KCNAB2: variants seen among roughly 807,000 people sequenced by gnomAD.
KCNAB2 encodes voltage-gated potassium channel subunit beta-2.
In KCNAB2, 29 loss-of-function variants were observed where a neutral mutation model predicts 63.6. The ratio of observed to expected loss-of-function variants is 0.46; its 90% CI spans 0.34 to 0.62. The LOEUF (loss-of-function observed/expected upper bound fraction) is 0.62. Ranked by LOEUF, KCNAB2 falls within the 20% of genes least tolerant of loss-of-function variation. The pLI, the probability that KCNAB2 is intolerant of heterozygous loss-of-function variation, is 0.01. For missense variants in KCNAB2, 359 were observed against 563.9 expected (o/e 0.64, Z 3.68); for synonymous variants, 222 against 224.2 (o/e 0.99, Z 0.09).
At chr1:6,054,485 C>T (rs1412830786) in intron 2 of KCNAB2, among the ~76,000 whole-genome samples, 1 of 152,110 alleles carries the variant, frequency 6.6e-6, no homozygotes, top group Non-Finnish European at 1.5e-5. Flanking sequence ...CAAAAATTAA[C>T]CAGTCGTGGT....
chr1:6,077,562 C>G (rs538338833), intron 4 of KCNAB2, among the ~76,000 whole-genome samples: 1 of 152,208 alleles, frequency 6.6e-6, no homozygotes, highest in African/African-American at 2.4e-5. Context: ...TGCACGCCTT[C>G]GGGGGTCTGT....
chr1:6,046,383 T>TG (rs1247407482), intron 1 of KCNAB2, among the ~76,000 whole-genome samples, 200 bp downstream of exon 1: 1 of 152,046 alleles, frequency 6.6e-6, no homozygotes, highest in Non-Finnish European at 1.5e-5. Context: ...CCGTGATGGA[T>TG]GGGGTGGTGG....
chr1:5,998,915 G>A (rs1657082762), intron 1 of KCNAB2, among the ~76,000 whole-genome samples: 1 of 152,236 alleles, frequency 6.6e-6, no homozygotes, highest in Non-Finnish European at 1.5e-5. Flanking sequence ...GGTGACCTTT[G>A]GACTTTGCCG....
chr1:6,020,541 T>C (rs1048932892), intron 1 of KCNAB2, among the ~76,000 whole-genome samples: 3 of 152,162 alleles, frequency 2.0e-5, no homozygotes, highest in African/African-American at 7.2e-5. Context: ...CCCACCCTCC[T>C]GGACTCGGGT....
upstream of KCNAB2, among the ~76,000 whole-genome samples, chr1:6,030,495 A>G (rs1659511059): frequency 6.6e-6 from 1 of 150,784 alleles, no homozygotes; most frequent in South Asian, 2.1e-4. Context: ...GTGTCTGTGC[A>G]TTGTGTATAT....
chr1:6,094,358 C>G (rs533433164), intron 10 of KCNAB2, 42 bp from the exon 11 acceptor site: 2 of 1,534,618 alleles, frequency 1.3e-6, no homozygotes, highest in East Asian at 2.3e-5. Context: ...GCCCTGAGCC[C>G]TGGCTGCCCC....
At chr1:6,061,198 CA>C (rs1023388536) in intron 2 of KCNAB2, among the ~76,000 whole-genome samples, 2 of 152,234 alleles carry the variant, frequency 1.3e-5, no homozygotes, top group Non-Finnish European at 2.9e-5. Flanking sequence ...TGAATCACAG[CA>C]AGAGCTAGCT....
At chr1:6,097,013 C>T (rs1665699751) in intron 14 of KCNAB2, among the ~76,000 whole-genome samples, 1 of 152,202 alleles carries the variant, frequency 6.6e-6, no homozygotes, top group Non-Finnish European at 1.5e-5. Flanking sequence ...GGTAATGGGG[C>T]TCCCGCTTTC....
chr1:6,057,978 C>CT (rs1202652675), intron 2 of KCNAB2, among the ~76,000 whole-genome samples: 1 of 152,154 alleles, frequency 6.6e-6, no homozygotes, highest in Non-Finnish European at 1.5e-5. Flanking sequence ...TGGCAAAACT[C>CT]TGTCTCTACA....
At chr1:6,052,535 T>C (rs1160664187) in intron 2 of KCNAB2, among the ~76,000 whole-genome samples, 1 of 152,210 alleles carries the variant, frequency 6.6e-6, no homozygotes, top group African/African-American at 2.4e-5. Flanking sequence ...CTGCTCTTAA[T>C]GATAGGCACG....
chr1:6,018,849 A>G (rs1658663130), intron 1 of KCNAB2: 1 of 152,218 alleles, frequency 6.6e-6, no homozygotes, highest in African/African-American at 2.4e-5. Flanking sequence ...GTGGTATTTC[A>G]TTATGGCATT....
intron 1 of KCNAB2, among the ~76,000 whole-genome samples, chr1:6,027,894 G>A (rs1312300823): frequency 6.6e-6 from 1 of 152,174 alleles, no homozygotes; most frequent in East Asian, 1.9e-4. Context: ...ACAAACACAG[G>A]GAATCCTGAC....
intron 1 of KCNAB2, among the ~76,000 whole-genome samples, chr1:6,047,768 C>T (rs1661050103): frequency 6.6e-6 from 1 of 152,200 alleles, no homozygotes; most frequent in South Asian, 2.1e-4. Flanking sequence ...CCTCCTGGAC[C>T]CAACCTTCAG....
At chr1:6,019,899 G>A (rs533464725) in intron 1 of KCNAB2, among the ~76,000 whole-genome samples, 12 of 152,354 alleles carry the variant, frequency 7.9e-5, no homozygotes, top group East Asian at 7.7e-4. Flanking sequence ...GACTCACTTC[G>A]TTGTCAATCT....
chr1:6,002,716 C>T (rs1021989711), intron 1 of KCNAB2, among the ~76,000 whole-genome samples: 1 of 152,192 alleles, frequency 6.6e-6, no homozygotes, highest in Non-Finnish European at 1.5e-5. Context: ...GAGTGGATTT[C>T]CAGGGGAGCT....
chr1:6,038,567 G>A (rs191026996), intron 1 of KCNAB2, among the ~76,000 whole-genome samples: 120 of 152,028 alleles, frequency 7.9e-4, no homozygotes, highest in African/African-American at 2.5e-3. Context: ...CTCCTGCCTC[G>A]GCCTCCCGAA....
At chr1:6,027,530 C>T (rs1659286701) in intron 1 of KCNAB2, 1 of 152,234 alleles carries the variant, frequency 6.6e-6, no homozygotes, top group Non-Finnish European at 1.5e-5. Context: ...CTAGGGCAGG[C>T]ATGGGAATTT....
chr1:6,082,887 G>A (rs1182077283), intron 5 of KCNAB2, among the ~76,000 whole-genome samples: 2 of 152,224 alleles, frequency 1.3e-5, no homozygotes. Flanking sequence ...CCTGGGGCCA[G>A]CCAAGTTCCC....
rs1382337928 is a variant in KCNAB2, at chr1:6,086,410, G to A, written c.426-1057G>A. The A allele has an allele frequency of 1.0e-6, 1 of 982,622 alleles. No homozygotes were observed. Among genetic ancestry groups the A allele is most frequent in the Non-Finnish European group, 1.2e-6 (1 of 827,384 alleles). The allele number at this position is 982,622 out of a possible 1,614,324, so 60.9% of individuals were successfully genotyped here. A position where few individuals can be genotyped will look rare whatever the true frequency, so the allele number is the denominator to read the frequency against. On this transcript the variant is annotated intron_variant, in intron 6 of 15. Coordinates refer to ENST00000378083, the MANE Select transcript of KCNAB2 (RefSeq NM_001199862.2). This position sits in a 1 kb window ranked among gnomAD's most constrained non-coding sequence, Gnocchi z 4.2. ...TCTTTGGCGAATGTGCATGGAGGTG[G>A]TGTGGGGTGATCCCCCTTCCTGGAG...
Sources: gnomAD v4.1 joint callset for allele counts (sites outside exome capture counted in the v4.1 genomes callset) on GRCh38, gnomAD v4.1.1 for gene constraint, Gnocchi (gnomAD v3.1) non-coding constraint, MANE v1.5 for transcripts, NCBI Gene and HGNC (gene_info 2026-07-23, HGNC 2026-07-21) for gene names.